The following TNFAIP8 variants were observed in gnomAD, a reference collection of about 807,000 sequenced individuals.
TNFAIP8 encodes the protein TNF alpha induced protein 8.
Under a neutral mutation model 13.3 loss-of-function variants are expected in TNFAIP8, and 7 were observed. The ratio of observed to expected loss-of-function variants is 0.52; its 90% confidence interval spans 0.30 to 0.99. The LOEUF (loss-of-function observed/expected upper bound fraction) is 0.99, where lower values mean the gene tolerates loss of function less well. Ranked by LOEUF, TNFAIP8 falls within the 50% of genes least tolerant of loss-of-function variation. The pLI, the probability that TNFAIP8 is intolerant of heterozygous loss-of-function variation, is 0.07. For synonymous variants in TNFAIP8, 94 were observed against 87.6 expected (o/e 1.07, Z -0.41); for missense variants, 258 against 236.9 (o/e 1.09, Z -0.58).
intron 1 of TNFAIP8, among the ~76,000 whole-genome samples, chr5:119,326,052 T>C (rs1483411530): frequency 1.3e-5 from 2 of 152,250 alleles, no homozygotes; most frequent in Non-Finnish European, 2.9e-5. Flanking sequence ...ATGTCAGTTT[T>C]GTAACACAGG....
chr5:119,348,403 A>G lies in TNFAIP8; in HGVS notation c.2-44413A>G, dbSNP rs562583115. On this transcript the variant is annotated intron_variant, in intron 1 of 1. Transcript: ENST00000274456. The stretch of plus-strand genomic sequence containing the variant: ...TGGTTAGAGTGGAAATAATTTGACA[A>G]TTACTGCCCTTAGACTTGAATTTTA... Among the ~76,000 whole-genome samples, 5 of 152,332 alleles carry G rather than the reference A, an allele frequency of 3.3e-5. No homozygotes were observed. The South Asian group carries it at 1.0e-3, about 32-fold the overall frequency.
chr5:119,389,666 C>T (rs1752819655), intron 1 of TNFAIP8, among the ~76,000 whole-genome samples: 1 of 152,220 alleles, frequency 6.6e-6, no homozygotes, highest in South Asian at 2.1e-4. Flanking sequence ...TAAATCTACT[C>T]ATGCATGTCT....
Position 119,396,393 on chromosome 5 carries a change from A to C in TNFAIP8, c.*3012A>C, listed in dbSNP as rs775116385. 6.6e-6 allele frequency: 1 copy of C among 152,192 alleles called. No homozygotes were observed. The highest frequency in any genetic ancestry group is 2.4e-5 in the African/African-American group (1 of 41,440). The allele number at this position is 152,192 out of a possible 1,614,324, so 9.4% of individuals were successfully genotyped here. A position where few individuals can be genotyped will look rare whatever the true frequency, so the allele number is the denominator to read the frequency against. On this transcript the variant is annotated 3_prime_UTR_variant, in exon 2 of 2. Transcript: ENST00000504771. ...TGTGGCTCAGTTTTCTGTCTCGTGGAACTTCACTTCTAGGTGCTCACAATG... is the reference window on the plus strand; with the variant it reads ...TGTGGCTCAGTTTTCTGTCTCGTGGCACTTCACTTCTAGGTGCTCACAATG...
chr5:119,280,994 A>T (rs1487713175), intron 1 of TNFAIP8, among the ~76,000 whole-genome samples: 1 of 152,046 alleles, frequency 6.6e-6, no homozygotes. Context: ...CTGAGACTCA[A>T]ATTGTCCCAT....
chr5:119,345,663 T>A (rs552740094), intron 1 of TNFAIP8, among the ~76,000 whole-genome samples: 2 of 152,186 alleles, frequency 1.3e-5, no homozygotes, highest in Non-Finnish European at 2.9e-5. Context: ...GTCAAATTTA[T>A]AGAGACAAAA....
rs1201971015 is a variant in TNFAIP8 at position 119,375,110 on chromosome 5, C to T, written c.32-17706C>T. Among the ~76,000 whole-genome samples the T allele has an allele frequency of 2.0e-5, 3 of 152,136 alleles. No individual in the cohort carries two copies. In the South Asian group the frequency reaches 6.2e-4, roughly 32 times the overall value. On this transcript the variant is annotated intron_variant, in intron 1 of 1. Transcript: ENST00000504771. ...TGAGGGCCCAGCCAAAACATGTTGC[C>T]TGCCAAAAGTTTGTAAGCTTTGCTT...
intron 1 of TNFAIP8, among the ~76,000 whole-genome samples, chr5:119,299,291 G>C (rs923699978): frequency 1.4e-4 from 22 of 152,212 alleles, no homozygotes; most frequent in African/African-American, 5.1e-4. Context: ...TTTTGGTGTG[G>C]ATGTCCTTTC....
intron 1 of TNFAIP8, among the ~76,000 whole-genome samples, chr5:119,350,998 C>CTGTGTGTGTGTGTGTGTG (rs70982476): frequency 7.3e-6 from 1 of 137,872 alleles, no homozygotes; most frequent in Non-Finnish European, 1.5e-5. Context: ...GGGTCTCACT[C>CTGTGTGTGTGTGTGTGTG]TGTGTGTGTG....
intron 1 of TNFAIP8, among the ~76,000 whole-genome samples, chr5:119,309,015 A>G (rs1232483104): frequency 6.6e-6 from 1 of 152,220 alleles, no homozygotes; most frequent in Non-Finnish European, 1.5e-5. Flanking sequence ...TAAAATTGCT[A>G]AACTGTTTCT....
intron 1 of TNFAIP8, among the ~76,000 whole-genome samples, chr5:119,296,634 G>T (rs1303640824): frequency 6.6e-6 from 1 of 152,140 alleles, no homozygotes. Flanking sequence ...GATGATGCTG[G>T]CCTCATAAAA....
chr5:119,345,476 T>A (rs1354045522), intron 1 of TNFAIP8, among the ~76,000 whole-genome samples: 1 of 152,182 alleles, frequency 6.6e-6, no homozygotes, highest in Non-Finnish European at 1.5e-5. Flanking sequence ...CAGAAGGATG[T>A]ATAAACAAAA....
At chr5:119,287,286 T>TTG (rs893754561) in intron 1 of TNFAIP8, among the ~76,000 whole-genome samples, 20 of 141,278 alleles carry the variant, frequency 1.4e-4, no homozygotes, top group Non-Finnish European at 2.8e-4. Context: ...CCAAGTTTTT[T>TTG]TTTTTTTTTT....
At chr5:119,309,110 C>T (rs1440235551) in intron 1 of TNFAIP8, among the ~76,000 whole-genome samples, 1 of 152,218 alleles carries the variant, frequency 6.6e-6, no homozygotes, top group Non-Finnish European at 1.5e-5. Flanking sequence ...AAGACCTTTA[C>T]TGCAGTTTCC....
chr5:119,292,299 T>A (rs1749011615), intron 1 of TNFAIP8, among the ~76,000 whole-genome samples: 1 of 125,262 alleles, frequency 8.0e-6, no homozygotes, highest in Non-Finnish European at 1.7e-5. Context: ...GGAGCAGGAA[T>A]GAAACTGATT....
At chr5:119,337,688 C>G (rs576176072) in intron 1 of TNFAIP8, among the ~76,000 whole-genome samples, 2 of 152,282 alleles carry the variant, frequency 1.3e-5, no homozygotes, top group Admixed American at 6.5e-5. Context: ...AGCAGTAGGC[C>G]GTAAGAAAGC....
intron 1 of TNFAIP8, among the ~76,000 whole-genome samples, chr5:119,372,918 G>A (rs375809566): frequency 5.3e-5 from 8 of 152,230 alleles, no homozygotes; most frequent in African/African-American, 1.7e-4. Flanking sequence ...CCAAGATGGC[G>A]CCACTTCACT....
At chr5:119,345,443 G>A (rs1750866146) in intron 1 of TNFAIP8, among the ~76,000 whole-genome samples, 1 of 152,204 alleles carries the variant, frequency 6.6e-6, no homozygotes, top group African/African-American at 2.4e-5. Context: ...CCAAAAGGTG[G>A]TAGCAATCCA....
At chr5:119,342,266 G>C (rs900286432) in intron 1 of TNFAIP8, among the ~76,000 whole-genome samples, 1 of 152,212 alleles carries the variant, frequency 6.6e-6, no homozygotes, top group Non-Finnish European at 1.5e-5. Flanking sequence ...AGCACCTTGT[G>C]TTGTCCCCTT....
intron 1 of TNFAIP8, among the ~76,000 whole-genome samples, chr5:119,327,665 GC>G: frequency 6.6e-6 from 1 of 152,184 alleles, no homozygotes; most frequent in South Asian, 2.1e-4. Context: ...CACCATGTTG[GC>G]CAGGCTGGTC....
Sources: allele counts gnomAD v4.1 joint callset (sites outside exome capture counted in the v4.1 genomes callset), GRCh38; gene constraint gnomAD v4.1.1; transcripts MANE v1.5; gene names NCBI Gene and HGNC (gene_info 2026-07-23, HGNC 2026-07-21).